Variants in RANBP2 observed in about 807,000 individuals in gnomAD.
RANBP2 encodes RAN binding protein 2, also known as E3 SUMO-protein ligase RanBP2.
A neutral mutation model predicts 303.6 loss-of-function variants in RANBP2; 57 were observed. The ratio of observed to expected loss-of-function variants is 0.19; its 90% confidence interval spans 0.15 to 0.23. The LOEUF is 0.23. RANBP2 is among the 10% of genes least tolerant of loss of function. RANBP2 has a pLI of 1.00. For missense variants in RANBP2, 3,138 were observed against 3,780.8 expected, an observed-to-expected ratio of 0.83 and a Z score of 4.46; for synonymous variants, 1,167 against 1,301.5, an observed-to-expected ratio of 0.90 and a Z score of 2.23.
chr2:109,353,766 G>A, the RANBP2 span, among the ~76,000 whole-genome samples: 3 of 152,220 alleles, frequency 2.0e-5, no homozygotes, highest in African/African-American at 7.2e-5. Context: ...CAAGACGAGA[G>A]AGTCTCCCCT....
At chr2:108,919,962 C>T in the RANBP2 span, among the ~76,000 whole-genome samples, 1 of 152,340 alleles carries the variant, frequency 6.6e-6, no homozygotes, top group South Asian at 2.1e-4. Flanking sequence ...TCCACACACA[C>T]AGCCTTCATC....
At chr2:109,449,632 G>T in the RANBP2 span, 1 of 1,134,988 alleles carries the variant, frequency 8.8e-7, no homozygotes, top group Non-Finnish European at 1.2e-6. Context: ...CCAGGCGTGT[G>T]ACAGAGAGGG....
the RANBP2 span, among the ~76,000 whole-genome samples, chr2:109,589,318 A>G: frequency 6.6e-6 from 1 of 152,070 alleles, no homozygotes; most frequent in African/African-American, 2.4e-5. Context: ...AGGTTACTTG[A>G]GGCCAGGAGT....
At chr2:108,901,820 C>G in the RANBP2 span, among the ~76,000 whole-genome samples, 1 of 152,184 alleles carries the variant, frequency 6.6e-6, no homozygotes, top group Admixed American at 6.5e-5. Context: ...GTAAAAATAT[C>G]TAGCCAAACG....
At chr2:109,461,822 G>A in the RANBP2 span, among the ~76,000 whole-genome samples, 1 of 152,128 alleles carries the variant, frequency 6.6e-6, no homozygotes, top group Non-Finnish European at 1.5e-5. Context: ...GCCTTTTTTT[G>A]TTCTAGGTCC....
chr2:109,296,643 C>T, the RANBP2 span, among the ~76,000 whole-genome samples: 1 of 152,200 alleles, frequency 6.6e-6, no homozygotes, highest in Non-Finnish European at 1.5e-5. Flanking sequence ...CTGGGCCCTG[C>T]ACCATCTGTT....
In RANBP2 at chr2:108,773,119, T is replaced by G. The variant is rs1292507302; in HGVS notation, c.8292+73T>G. On this transcript the variant is annotated intron_variant, in intron 23 of 28. Transcript: ENST00000283195. ...TGATGCAGTAAACTTTAGAATGTTC[T>G]TATTTATTTATTTTTGAGACAGAAT... 1.0e-5 allele frequency: 15 copies of G among 1,435,772 alleles called. No homozygotes were observed. The South Asian group carries it at 1.6e-4, about 15-fold the overall frequency. The allele number at this position is 1,435,772 out of a possible 1,614,324, so 88.9% of individuals were successfully genotyped here.
At chr2:109,322,677 C>T in the RANBP2 span, among the ~76,000 whole-genome samples, 2 of 152,164 alleles carry the variant, frequency 1.3e-5, no homozygotes, top group Non-Finnish European at 2.9e-5. Context: ...GACTCATTAG[C>T]TGAGCACACA....
chr2:108,796,977 C>A, the RANBP2 span, among the ~76,000 whole-genome samples: 2 of 152,116 alleles, frequency 1.3e-5, no homozygotes, highest in East Asian at 1.9e-4. Flanking sequence ...TTGTAATGTT[C>A]TCAACACAAA....
the RANBP2 span, among the ~76,000 whole-genome samples, chr2:109,376,159 A>T: frequency 6.6e-6 from 1 of 152,190 alleles, no homozygotes; most frequent in Non-Finnish European, 1.5e-5. Context: ...TGCTGTGTTG[A>T]TTGAAGATCA....
chr2:109,607,922 T>C, the RANBP2 span, among the ~76,000 whole-genome samples: 1 of 152,168 alleles, frequency 6.6e-6, no homozygotes, highest in Non-Finnish European at 1.5e-5. Flanking sequence ...ATAAAGTAGA[T>C]TTCATGCAGT....
At chr2:109,251,336 A>T in the RANBP2 span, 1 of 511,278 alleles carries the variant, frequency 2.0e-6, no homozygotes, top group Middle Eastern at 5.8e-4. Flanking sequence ...AATTAGAGAG[A>T]TGCAAGACAC....
At chr2:109,625,103 A>AAG in the RANBP2 span, among the ~76,000 whole-genome samples, 29 of 145,220 alleles carry the variant, frequency 2.0e-4, 1 homozygote, top group Non-Finnish European at 2.2e-4. Context: ...AAAAAAAAAA[A>AAG]AAAAGAAAAG....
the RANBP2 span, among the ~76,000 whole-genome samples, chr2:109,075,579 CAAAAAA>C: frequency 1.8e-5 from 2 of 109,694 alleles, no homozygotes; most frequent in African/African-American, 3.4e-5. Flanking sequence ...CTTAGACAAA[CAAAAAA>C]AAAAAAAAAA....
At chr2:109,605,186 C>T in the RANBP2 span, among the ~76,000 whole-genome samples, 1 of 152,122 alleles carries the variant, frequency 6.6e-6, no homozygotes, top group African/African-American at 2.4e-5. Context: ...TTCATCAAGC[C>T]AGTCAGGCTT....
At chr2:108,821,775 T>C in the RANBP2 span, among the ~76,000 whole-genome samples, 1 of 151,904 alleles carries the variant, frequency 6.6e-6, no homozygotes, top group Non-Finnish European at 1.5e-5. Context: ...TGAAACCCCA[T>C]CTCTACTAAA....
At chr2:109,593,406 G>T in the RANBP2 span, among the ~76,000 whole-genome samples, 12 of 99,058 alleles carry the variant, frequency 1.2e-4, no homozygotes, top group South Asian at 1.0e-3. Context: ...GAGAGAGAAA[G>T]AACTTTTTTT....
At chr2:109,711,633 C>T in the RANBP2 span, among the ~76,000 whole-genome samples, 6 of 152,316 alleles carry the variant, frequency 3.9e-5, no homozygotes, top group South Asian at 2.1e-4. Context: ...GAGGAAGCCT[C>T]GCTGGCCTGG....
chr2:109,588,389 T>C, the RANBP2 span, among the ~76,000 whole-genome samples: 1 of 152,176 alleles, frequency 6.6e-6, no homozygotes, highest in Admixed American at 6.5e-5. Flanking sequence ...ACAAAAACAA[T>C]GTGTTACAGG....
Sources: gnomAD v4.1 joint callset for allele counts (sites outside exome capture counted in the v4.1 genomes callset) on GRCh38, gnomAD v4.1.1 for gene constraint, MANE v1.5 for transcripts, NCBI Gene and HGNC (gene_info 2026-07-23, HGNC 2026-07-21) for gene names.